Variants in SH3BGR observed in about 807,000 individuals in gnomAD.
SH3BGR encodes the protein SH3 domain-binding glutamic acid-rich protein.
Under a neutral mutation model 24.5 loss-of-function variants are expected in SH3BGR, and 29 were observed. That is an observed-to-expected ratio of 1.18 (90% CI 0.88 to 1.61). SH3BGR has a LOEUF of 1.61. Among genes scored for constraint, SH3BGR ranks in the 40% most tolerant of loss-of-function variants. SH3BGR has a pLI of 0.00. For missense variants in SH3BGR, 162 were observed against 205.8 expected, an observed-to-expected ratio of 0.79 and a Z score of 1.30; for synonymous variants, 55 against 65.7, an observed-to-expected ratio of 0.84 and a Z score of 0.79.
chr21:39,449,663 A>G (rs2077551685), upstream of SH3BGR, among the ~76,000 whole-genome samples: 2 of 152,200 alleles, frequency 1.3e-5, no homozygotes, highest in East Asian at 1.9e-4. Flanking sequence ...ATTCATAGTG[A>G]AAAGGGGGCA....
At chr21:39,468,835 C>T (rs753199886) in intron 2 of SH3BGR, among the ~76,000 whole-genome samples, 2 of 152,086 alleles carry the variant, frequency 1.3e-5, no homozygotes, top group African/African-American at 4.8e-5. Flanking sequence ...TTCCTTATTC[C>T]CAAACAAATA....
chr21:39,478,025 A>C (rs1383794863), intron 3 of SH3BGR, among the ~76,000 whole-genome samples: 1 of 152,190 alleles, frequency 6.6e-6, no homozygotes, highest in Admixed American at 6.5e-5. Context: ...ACTCTCAGTG[A>C]TGTTCAAAAC....
chr21:39,505,459 G>T (rs1271212888), intron 4 of SH3BGR, among the ~76,000 whole-genome samples: 6 of 152,154 alleles, frequency 3.9e-5, no homozygotes, highest in African/African-American at 1.4e-4. Flanking sequence ...GGTCAATTCA[G>T]ATATTGATAA....
intron 6 of SH3BGR, among the ~76,000 whole-genome samples, chr21:39,513,423 A>C (rs2078731278): frequency 6.6e-6 from 1 of 152,220 alleles, no homozygotes; most frequent in Admixed American, 6.5e-5. Context: ...CCTTCTTAAT[A>C]GACTTACAAA....
rs779979721 is a variant in SH3BGR, at chr21:39,499,844, G to A, written c.334G>A (p.Gly112Ser). The A allele has an allele frequency of 6.2e-7, 1 of 1,613,740 alleles. No individual in the cohort carries two copies. Among genetic ancestry groups the A allele is most frequent in the Non-Finnish European group, 8.5e-7 (1 of 1,179,816 alleles). The change falls in exon 4 of 7, where the codon GGT becomes AGT. Residue 112 changes from glycine (G) to serine (S), a missense_variant. Coordinates refer to ENST00000333634, the MANE Select transcript of SH3BGR (RefSeq NM_007341.3). ...DSKGSEKAEE[G>S]GETEAQKEGS... Reference sequence around the variant, plus strand: ...CCAGGGATCAGAGAAGGCTGAAGAAGGTGGAGAAACTGAGGCACAAAAAGA... The same window carrying A: ...CCAGGGATCAGAGAAGGCTGAAGAAAGTGGAGAAACTGAGGCACAAAAAGA...
At chr21:39,471,468 A>G (rs1422954951) in intron 2 of SH3BGR, among the ~76,000 whole-genome samples, 1 of 152,142 alleles carries the variant, frequency 6.6e-6, no homozygotes, top group Non-Finnish European at 1.5e-5. Context: ...GCTTGAGTTT[A>G]GGTTTTCCCC....
intron 2 of SH3BGR, among the ~76,000 whole-genome samples, chr21:39,471,139 C>T (rs959141308): frequency 1.3e-4 from 20 of 151,442 alleles, no homozygotes; most frequent in Non-Finnish European, 1.9e-4. Flanking sequence ...TCTTTCTCTT[C>T]GTCTTCTTCT....
intron 3 of SH3BGR, among the ~76,000 whole-genome samples, chr21:39,496,279 T>A (rs1403272442): frequency 6.6e-6 from 1 of 152,018 alleles, no homozygotes; most frequent in African/African-American, 2.4e-5. Context: ...GGCGGGTGGA[T>A]CATGAGGTCA....
chr21:39,512,445 AAACTTCCCTTG>A (rs2078712555), intron 6 of SH3BGR, among the ~76,000 whole-genome samples: 1 of 152,204 alleles, frequency 6.6e-6, no homozygotes, highest in African/African-American at 2.4e-5. Flanking sequence ...TTCTGGTTTT[AAACTTCCCTTG>A]ATGATGGAAA....
intron 1 of SH3BGR, among the ~76,000 whole-genome samples, chr21:39,454,365 A>G (rs1327708905): frequency 6.6e-6 from 1 of 152,270 alleles, no homozygotes; most frequent in Non-Finnish European, 1.5e-5. Flanking sequence ...ATGAGAAAGG[A>G]AAAGCAAATT....
At chr21:39,489,798 C>G (rs570623815) in intron 3 of SH3BGR, among the ~76,000 whole-genome samples, 1 of 152,272 alleles carries the variant, frequency 6.6e-6, no homozygotes, top group South Asian at 2.1e-4. Context: ...CAGGGAGCTC[C>G]CAGGTGAACC....
chr21:39,472,365 A>G (rs527386550), intron 2 of SH3BGR, among the ~76,000 whole-genome samples: 7 of 152,182 alleles, frequency 4.6e-5, no homozygotes, highest in Non-Finnish European at 7.3e-5. Context: ...AATGTCATCA[A>G]TCAGTTCATG....
At chr21:39,482,544 A>G (rs1050455330) in intron 3 of SH3BGR, among the ~76,000 whole-genome samples, 10 of 152,232 alleles carry the variant, frequency 6.6e-5, no homozygotes, top group Non-Finnish European at 1.0e-4. Flanking sequence ...TTTTTAGAAG[A>G]TGATACTAGA....
chr21:39,486,874 T>A (rs2078220558), intron 3 of SH3BGR, among the ~76,000 whole-genome samples: 2 of 152,030 alleles, frequency 1.3e-5, no homozygotes, highest in East Asian at 3.9e-4. Flanking sequence ...TGCCACCACG[T>A]CCAGCTAATT....
In SH3BGR at chr21:39,511,837, G is replaced by A. The variant is rs1370342097; in HGVS notation, c.*34+28G>A. On this transcript the variant is annotated intron_variant, in intron 6 of 6. Transcript: ENST00000333634. The surrounding 1 kb of genome is among the most constrained non-coding windows in gnomAD (Gnocchi z 4.2). ...AGCTACAGGATTCTGGGGTGGAAAA[G>A]CTGCTAGTTACCGTACTGTATGCTA... 1 of 1,581,912 alleles carries A rather than the reference G, an allele frequency of 6.3e-7. No individual in the cohort carries two copies. Among genetic ancestry groups the A allele is most frequent in the Non-Finnish European group, 8.6e-7 (1 of 1,167,926 alleles).
At chr21:39,509,077 A>G (rs752751408) in intron 5 of SH3BGR, 50 bp downstream of exon 5, 12 of 1,494,110 alleles carry the variant, frequency 8.0e-6, no homozygotes, top group Middle Eastern at 1.7e-4. Flanking sequence ...TAATAAAAAC[A>G]TCTTTTAGGT....
intron 3 of SH3BGR, among the ~76,000 whole-genome samples, chr21:39,489,871 A>G (rs1569166335): frequency 6.6e-6 from 1 of 152,222 alleles, no homozygotes; most frequent in African/African-American, 2.4e-5. Flanking sequence ...TAGTGAAATC[A>G]AGAATTGTAA....
At chr21:39,499,229 TATC>T (rs1335561219) in intron 3 of SH3BGR, among the ~76,000 whole-genome samples, 15 of 127,024 alleles carry the variant, frequency 1.2e-4, no homozygotes, top group African/African-American at 3.6e-4. Flanking sequence ...CTAACCATAT[TATC>T]ATCCATCCAT....
chr21:39,482,914 C>T (rs1447194939), intron 3 of SH3BGR, among the ~76,000 whole-genome samples: 1 of 152,192 alleles, frequency 6.6e-6, no homozygotes, highest in African/African-American at 2.4e-5. Flanking sequence ...AGGTAATCTT[C>T]CCACCTTGGC....
Sources: allele counts gnomAD v4.1 joint callset (sites outside exome capture counted in the v4.1 genomes callset), GRCh38; gene constraint gnomAD v4.1.1; non-coding constraint Gnocchi (gnomAD v3.1); transcripts MANE v1.5; gene names NCBI Gene and HGNC (gene_info 2026-07-23, HGNC 2026-07-21).